Variants in MPP7 observed in about 807,000 individuals in gnomAD.
MPP7 encodes MAGUK p55 subfamily member 7.
In MPP7, 60 loss-of-function variants were observed where a neutral mutation model predicts 76.5. The ratio of observed to expected loss-of-function variants is 0.78; its 90% CI spans 0.64 to 0.97. The LOEUF (loss-of-function observed/expected upper bound fraction) is 0.97, where lower values mean the gene tolerates loss of function less well. MPP7 is among the 50% of genes least tolerant of loss of function. The probability of loss-of-function intolerance (pLI) is 0.00; values close to 1 mark genes in which losing one functional copy is unlikely to be tolerated. For missense variants in MPP7, 641 were observed against 694.0 expected, an observed-to-expected ratio of 0.92 and a Z score of 0.86; for synonymous variants, 237 against 244.5, an observed-to-expected ratio of 0.97 and a Z score of 0.29.
At chr10:28,140,812 CA>C (rs1489642007) in intron 5 of MPP7, among the ~76,000 whole-genome samples, 2 of 152,094 alleles carry the variant, frequency 1.3e-5, no homozygotes, top group African/African-American at 4.8e-5. Context: ...AAAGCACTAT[CA>C]AAAAACTTTC....
chr10:28,333,753 C>A (rs1170803339), intron 1 of MPP7, among the ~76,000 whole-genome samples: 3 of 152,130 alleles, frequency 2.0e-5, no homozygotes, highest in African/African-American at 7.2e-5. Flanking sequence ...CAGTGAGACA[C>A]ATGTAAAGTA....
intron 3 of MPP7, among the ~76,000 whole-genome samples, chr10:28,160,495 C>A (rs1836223490): frequency 6.6e-6 from 1 of 152,104 alleles, no homozygotes; most frequent in Admixed American, 6.5e-5. Context: ...CAGATGCCAA[C>A]TCAGTGAAAA....
intron 11 of MPP7, among the ~76,000 whole-genome samples, chr10:28,097,739 T>G (rs1232183672): frequency 6.6e-6 from 1 of 152,174 alleles, no homozygotes; most frequent in Non-Finnish European, 1.5e-5. Context: ...ATAGAAGACG[T>G]TTTCCAAATA....
rs774072642 is a variant in MPP7 at position 28,124,118 on chromosome 10, T to C, written c.530-2A>G. ...GTTCATCACCAACATGAATAAGACC[T>C]GAGAAATAGGAGATTTGGTAAATTA... On this transcript the variant is annotated splice_acceptor_variant, in intron 7 of 16. Coordinates refer to ENST00000683449, the MANE Select transcript of MPP7 (RefSeq NM_001318170.2). LOFTEE classifies it high-confidence loss of function. 2 of 1,598,690 alleles carry C rather than the reference T, an allele frequency of 1.3e-6. No individual in the cohort carries two copies. The highest frequency in any genetic ancestry group is 1.7e-6 in the Non-Finnish European group (2 of 1,166,376).
chr10:28,056,742 T>C (rs975289405), intron 15 of MPP7, 119 bp from the exon 16 acceptor site: 13 of 771,908 alleles, frequency 1.7e-5, no homozygotes, highest in African/African-American at 3.7e-5. Flanking sequence ...CATTTCAATA[T>C]ATTATTATTC....
intron 12 of MPP7, among the ~76,000 whole-genome samples, chr10:28,079,736 G>A (rs549365348): frequency 4.3e-4 from 66 of 152,208 alleles, no homozygotes; most frequent in Admixed American, 1.4e-3. Context: ...CATTCTGAGC[G>A]AATGAATAAA....
At position 28,089,656 on chromosome 10, in the gene MPP7, G is replaced by A; in HGVS notation, c.1123+15C>T. The A allele has an allele frequency of 6.2e-7, 1 of 1,605,438 alleles. No individual in the cohort carries two copies. The highest frequency in any genetic ancestry group is 8.5e-7 in the Non-Finnish European group (1 of 1,175,366). ...ACTCATTTCCTCAGAATTACTCACA[G>A]AAACAAGCACTTACCAACCAAGACA... is the stretch of plus-strand genomic sequence containing the variant. On this transcript the variant is annotated intron_variant, in intron 12 of 16. Coordinates refer to ENST00000683449, the MANE Select transcript of MPP7 (RefSeq NM_001318170.2).
intron 2 of MPP7, among the ~76,000 whole-genome samples, chr10:28,204,387 T>C (rs928871117): frequency 1.4e-5 from 2 of 140,748 alleles, no homozygotes; most frequent in Middle Eastern, 3.5e-3. Flanking sequence ...AGGTTGGAGT[T>C]AGCCAAGACC....
At chr10:28,322,535 T>A (rs902348133) in intron 2 of MPP7, among the ~76,000 whole-genome samples, 1 of 152,242 alleles carries the variant, frequency 6.6e-6, no homozygotes, top group Non-Finnish European at 1.5e-5. Flanking sequence ...CTTTTGGCTG[T>A]CATTGACACC....
At chr10:28,313,492 C>G (rs1384744940) in intron 2 of MPP7, among the ~76,000 whole-genome samples, 1 of 149,832 alleles carries the variant, frequency 6.7e-6, no homozygotes, top group Non-Finnish European at 1.5e-5. Flanking sequence ...GGCGACAGAG[C>G]AAGACTCTGT....
Position 28,266,179 on chromosome 10 carries a change from C to T in MPP7, c.-131-27444G>A, listed in dbSNP as rs759207838. Among the ~76,000 whole-genome samples, 236 of 152,178 alleles carry T rather than the reference C, an allele frequency of 1.6e-3. 1 individual carries two copies. Among genetic ancestry groups the T allele is most frequent in the African/African-American group, 1.5e-3 (63 of 41,516 alleles). ...TTCACCATGTTGGTCAGGCTGGTCTCGAACTCCTGACCTCAAGTGATCCAC... is the reference window on the plus strand; with the variant it reads ...TTCACCATGTTGGTCAGGCTGGTCTTGAACTCCTGACCTCAAGTGATCCAC... On this transcript the variant is annotated intron_variant, in intron 1 of 16. Transcript: ENST00000683449.
chr10:28,109,865 A>AAACAAAAC (rs1834446430), intron 11 of MPP7, among the ~76,000 whole-genome samples: 1 of 149,258 alleles, frequency 6.7e-6, no homozygotes. Flanking sequence ...AAAAAAAAAA[A>AAACAAAAC]AAAAAAAACA....
At chr10:28,076,974 C>A (rs1852518628) in intron 12 of MPP7, among the ~76,000 whole-genome samples, 1 of 151,414 alleles carries the variant, frequency 6.6e-6, no homozygotes, top group Admixed American at 6.6e-5. Flanking sequence ...GTAAATTCAC[C>A]ATTTCCTTAG....
chr10:28,232,927 A>C (rs1361843589), intron 2 of MPP7, among the ~76,000 whole-genome samples: 2 of 152,202 alleles, frequency 1.3e-5, no homozygotes, highest in Admixed American at 1.3e-4. Flanking sequence ...TTTTATGTGC[A>C]TTTCTGTACC....
At chr10:28,128,110 T>G (rs950992838) in intron 6 of MPP7, among the ~76,000 whole-genome samples, 5 of 152,064 alleles carry the variant, frequency 3.3e-5, no homozygotes, top group Non-Finnish European at 5.9e-5. Flanking sequence ...GGCTTTACTC[T>G]GAATGAAAGA....
At chr10:28,208,794 A>G (rs2134010192) in intron 2 of MPP7, among the ~76,000 whole-genome samples, 1 of 152,288 alleles carries the variant, frequency 6.6e-6, no homozygotes, top group South Asian at 2.1e-4. Flanking sequence ...AACTGGCTCA[A>G]TCTTCTATAT....
intron 3 of MPP7, among the ~76,000 whole-genome samples, chr10:28,191,975 T>C (rs1472412945): frequency 2.0e-5 from 3 of 151,876 alleles, no homozygotes; most frequent in Non-Finnish European, 4.4e-5. Context: ...AATACAAAAA[T>C]TAGCCAGGCG....
At chr10:28,083,688 A>C (rs1429132372) in intron 12 of MPP7, among the ~76,000 whole-genome samples, 2 of 151,264 alleles carry the variant, frequency 1.3e-5, no homozygotes, top group Admixed American at 6.6e-5. Flanking sequence ...CAGGCGCCCG[A>C]CACCACACCT....
intron 13 of MPP7, among the ~76,000 whole-genome samples, chr10:28,060,233 C>T (rs1851724917): frequency 6.6e-6 from 1 of 152,190 alleles, no homozygotes; most frequent in Non-Finnish European, 1.5e-5. Context: ...CCAAATACTT[C>T]TGTGTGCTAC....
Sources: gnomAD v4.1 joint callset for allele counts (sites outside exome capture counted in the v4.1 genomes callset) on GRCh38, gnomAD v4.1.1 for gene constraint, MANE v1.5 for transcripts, NCBI Gene and HGNC (gene_info 2026-07-23, HGNC 2026-07-21) for gene names.